Variants in SIGLEC1 observed in about 807,000 individuals in gnomAD.
SIGLEC1 encodes the protein sialic acid binding Ig like lectin 1, also known as sialoadhesin.
Under a neutral mutation model 148.0 loss-of-function variants are expected in SIGLEC1, and 132 were observed. The observed-to-expected ratio is 0.89, with a 90% CI of 0.77 to 1.03. The LOEUF is 1.03. Among genes scored for constraint, SIGLEC1 ranks in the 50% least tolerant of loss-of-function variants. The pLI is 0.00. For synonymous variants in SIGLEC1, 945 were observed against 969.0 expected (o/e 0.98, Z 0.46); for missense variants, 2,253 against 2,271.4 (o/e 0.99, Z 0.16).
At chr20:3,709,075 A>AATC (rs1248402027) in intron 1 of SIGLEC1, among the ~76,000 whole-genome samples, 2 of 149,634 alleles carry the variant, frequency 1.3e-5, no homozygotes, top group Admixed American at 1.3e-4. Flanking sequence ...AAAGGATATG[A>AATC]ATCAAAGGAC....
chr20:3,708,797 C>A (rs2087912843), intron 1 of SIGLEC1, among the ~76,000 whole-genome samples: 1 of 152,032 alleles, frequency 6.6e-6, no homozygotes, highest in Admixed American at 6.6e-5. Context: ...CCTGTAATCC[C>A]AGCACTTTGG....
chr20:3,691,824 T>C (rs1263786436), intron 17 of SIGLEC1, 79 bp downstream of exon 17: 1 of 1,477,286 alleles, frequency 6.8e-7, no homozygotes, highest in African/African-American at 1.4e-5. Flanking sequence ...CAGCCCGCTC[T>C]AGTGGGAGCT....
Position 3,698,144 on chromosome 20 carries a change from G to A in SIGLEC1, c.1787-11C>T. On this transcript the variant is annotated splice_polypyrimidine_tract_variant and intron_variant, in intron 8 of 21. Transcript: ENST00000344754. ...GTTGTCGAGGGGGGTCTGCAGGGAG[G>A]AAGAACATGGGCACTCATCCCACGG... 2.5e-6 allele frequency: 4 copies of A among 1,571,288 alleles called. No homozygotes were observed. Among genetic ancestry groups the A allele is most frequent in the Non-Finnish European group, 3.4e-6 (4 of 1,162,212 alleles).
chr20:3,690,287 G>A (rs2088745255), intron 18 of SIGLEC1, 23 bp from the exon 19 acceptor site: 8 of 1,517,322 alleles, frequency 5.3e-6, no homozygotes, highest in Admixed American at 2.0e-5. Flanking sequence ...AGGGAGTGTG[G>A]TGATTGCAGA....
Position 3,698,132 on chromosome 20 carries a change from G to T in SIGLEC1, c.1788C>A (p.Tyr596Ter), listed in dbSNP as rs763696268. The T allele has an allele frequency of 8.2e-6, 13 of 1,587,156 alleles. No individual in the cohort carries two copies. Among genetic ancestry groups the T allele is most frequent in the African/African-American group, 5.4e-5 (4 of 73,642 alleles). ...TGGTGAATGTTGGTTGTCGAGGGGG[G>T]TCTGCAGGGAGGAAGAACATGGGCA... ...PSSPAVLTVL[Y>*]PPRQPTFTTR... Residue 596 changes from tyrosine (Y) to a stop codon, truncating the protein, a stop_gained and splice_region_variant, in exon 9 of 22, where the codon TAC becomes TAA. Transcript: ENST00000344754. LOFTEE classifies it high-confidence loss of function.
At chr20:3,697,724 A>C in intron 9 of SIGLEC1, 74 bp downstream of exon 9, 1 of 1,422,906 alleles carries the variant, frequency 7.0e-7, no homozygotes, top group Non-Finnish European at 9.7e-7. Flanking sequence ...TTGCCTGATT[A>C]GATCCTCCTC....
At chr20:3,706,857 C>T in intron 2 of SIGLEC1, 151 bp from the exon 3 acceptor site, 1 of 1,113,544 alleles carries the variant, frequency 9.0e-7, no homozygotes, top group Non-Finnish European at 1.3e-6. Context: ...CAGCCCTTCT[C>T]AGTGCCCCAG....
chr20:3,693,051 T>C lies in SIGLEC1; in HGVS notation c.3589A>G (p.Ser1197Gly). Reference sequence around the variant, plus strand: ...AGGGCCAGCTGGGCGGGCGGGCGGCTGTCCACAGTGCACAGTACCAGGGCC... The same window carrying C: ...AGGGCCAGCTGGGCGGGCGGGCGGCCGTCCACAGTGCACAGTACCAGGGCC... ...QLALVLCTVD[S>G]RPPAQLALSH... The change falls in exon 15 of 22, where the codon AGC (serine) becomes GGC (glycine). Residue 1197 changes from serine to glycine, a missense_variant. Ser to Gly is a moderately conservative substitution (Grantham distance 56). Transcript: ENST00000344754. 6.2e-7 allele frequency: 1 copy of C among 1,608,586 alleles called. No homozygotes were observed.
Position 3,694,685 on chromosome 20 carries a change from T to C in SIGLEC1, c.2922A>G (p.Ala974=). The change falls in exon 12 of 22, where the codon GCA becomes GCG. Residue 974 remains alanine, a synonymous_variant. Transcript: ENST00000344754. ...APGSATTSLA[A]PISLHVSYAP... is the part of the protein sequence containing the mutation. ...TACAGGACACGTGGAGGCTGATGGG[T>C]GCAGCTAGGCTCGTGGTGGCTGAGC... The C allele has an allele frequency of 6.2e-7, 1 of 1,613,664 alleles. No individual in the cohort carries two copies. The highest frequency in any genetic ancestry group is 1.3e-5 in the African/African-American group (1 of 75,028).
chr20:3,707,014 T>G, intron 2 of SIGLEC1, 66 bp downstream of exon 2: 2 of 1,524,162 alleles, frequency 1.3e-6, no homozygotes, highest in Non-Finnish European at 1.8e-6. Context: ...CATAGTCTAA[T>G]CTGCCAAGGG....
At position 3,691,910 on chromosome 20, in the gene SIGLEC1, C is replaced by T; in HGVS notation, c.4323G>A (p.Gln1441=). Residue 1441 remains glutamine, a synonymous_variant, in exon 17 of 22, where the codon CAG becomes CAA. Transcript: ENST00000344754. ...LGSISTIGRL[Q]VEGARVVAEP... Reference sequence around the variant, plus strand: ...CCCCTCTCTTCCACTCACCTTCTACCTGCAACCGCCCGATGGTGCTGATTG... The same window carrying T: ...CCCCTCTCTTCCACTCACCTTCTACTTGCAACCGCCCGATGGTGCTGATTG... The T allele has an allele frequency of 6.4e-7, 1 of 1,572,910 alleles. No homozygotes were observed. Among genetic ancestry groups the T allele is most frequent in the Non-Finnish European group, 8.7e-7 (1 of 1,152,998 alleles).
Position 3,692,508 on chromosome 20 carries a change from A to G in SIGLEC1, c.4030+13T>C. 6.3e-7 allele frequency: 1 copy of G among 1,578,156 alleles called. No individual in the cohort carries two copies. The highest frequency in any genetic ancestry group is 8.6e-7 in the Non-Finnish European group (1 of 1,168,516). ...TCCTCCTGGGCAGCCCTGGCCAAGG[A>G]CCCTCTGCTCACAGAGGACTTGCAG... On this transcript the variant is annotated intron_variant, in intron 16 of 21. Coordinates refer to ENST00000344754, the MANE Select transcript of SIGLEC1 (RefSeq NM_023068.4).
At chr20:3,709,821 TA>T (rs1345724778) in intron 1 of SIGLEC1, among the ~76,000 whole-genome samples, 1 of 152,192 alleles carries the variant, frequency 6.6e-6, no homozygotes, top group Non-Finnish European at 1.5e-5. Context: ...GCAAATATTG[TA>T]GGGTTCCAAT....
At position 3,691,561 on chromosome 20, in the gene SIGLEC1, T is replaced by G; in HGVS notation, c.4370A>C (p.Glu1457Ala). The G allele has an allele frequency of 6.2e-7, 1 of 1,612,956 alleles. No individual in the cohort carries two copies. Among genetic ancestry groups the G allele is most frequent in the South Asian group, 1.1e-5 (1 of 91,064 alleles). ...VVAEPGLDVP[E>A]GAALNLSCRL... ...GCAGCTGAGGTTCAGGGCAGCGCCCTCAGGCACGTCCAGGCCAGGCTCTGC... is the reference window on the plus strand; with the variant it reads ...GCAGCTGAGGTTCAGGGCAGCGCCCGCAGGCACGTCCAGGCCAGGCTCTGC... Residue 1457 changes from glutamate to alanine, a missense_variant, in exon 18 of 22, where the codon GAG (glutamate) becomes GCG (alanine). Transcript: ENST00000344754.
intron 1 of SIGLEC1, among the ~76,000 whole-genome samples, chr20:3,711,615 C>T (rs1038581661): frequency 7.9e-5 from 12 of 152,132 alleles, no homozygotes; most frequent in Non-Finnish European, 1.5e-4. Context: ...AGTCAGGGTA[C>T]GGATGGGCAA....
chr20:3,696,227 A>C (rs1256530536), intron 11 of SIGLEC1, among the ~76,000 whole-genome samples: 1 of 152,180 alleles, frequency 6.6e-6, no homozygotes, highest in Non-Finnish European at 1.5e-5. Context: ...CATAATGTAT[A>C]TTTGTATGTG....
intron 1 of SIGLEC1, among the ~76,000 whole-genome samples, chr20:3,709,761 T>C (rs185417709): frequency 2.0e-5 from 3 of 152,324 alleles, no homozygotes; most frequent in Admixed American, 2.0e-4. Flanking sequence ...TTCTAACATA[T>C]GTGAACCTTG....
chr20:3,695,058 A>G (rs2088809635), intron 11 of SIGLEC1, 135 bp from the exon 12 acceptor site: 2 of 887,974 alleles, frequency 2.3e-6, no homozygotes, highest in South Asian at 3.5e-5. Context: ...GACCACCGCC[A>G]GGGCCCACTC....
rs1437975221 is a variant in SIGLEC1, at chr20:3,698,195, C to T, written c.1787-62G>A. The stretch of plus-strand genomic sequence containing the variant: ...ATGCTCCAGGGCCCCACAAGCCTGG[C>T]TAGGCTCCCAGAATACACTGGACAA... On this transcript the variant is annotated intron_variant, in intron 8 of 21. Transcript: ENST00000344754. 6 of 1,394,212 alleles carry T rather than the reference C, an allele frequency of 4.3e-6. No individual in the cohort carries two copies. The East Asian group carries it at 7.5e-5, about 17-fold the overall frequency. 86.4% of individuals were successfully genotyped at this position (1,394,212 alleles called of 1,614,324 possible).
Sources: allele counts gnomAD v4.1 joint callset (sites outside exome capture counted in the v4.1 genomes callset), GRCh38; gene constraint gnomAD v4.1.1; transcripts MANE v1.5; gene names NCBI Gene and HGNC (gene_info 2026-07-23, HGNC 2026-07-21).